DMD: variants seen among roughly 807,000 people sequenced by gnomAD.
DMD encodes the protein mutant dystrophin.
DMD carries 63 observed loss-of-function variants against 330.1 expected under a neutral mutation model. That is an observed-to-expected ratio of 0.19 (90% CI 0.16 to 0.24). DMD has a LOEUF of 0.24. DMD is among the 10% of genes least tolerant of loss of function. The probability of loss-of-function intolerance (pLI) is 1.00; values close to 1 mark genes in which losing one functional copy is unlikely to be tolerated. For synonymous variants in DMD, 1,223 were observed against 959.8 expected (o/e 1.27, Z -5.07); for missense variants, 3,344 against 2,684.1 (o/e 1.25, Z -5.43).
At chrX:31,948,914 A>G (rs2095123553) in intron 45 of DMD, among the ~76,000 whole-genome samples, 1 of 110,960 alleles carries the variant, frequency 9.0e-6, no homozygotes, top group African/African-American at 3.3e-5. Flanking sequence ...TTAGGAGTGC[A>G]GTTAGTAGAT....
rs1249352332 is a variant in DMD, at chrX:31,957,943, T to C, written c.6614+10396A>G. ...CACCTGAGGATAGTGTATTCCTTTT[T>C]TGGAGTGTTATGATTTGTGATTCTA... On this transcript the variant is annotated intron_variant, in intron 45 of 78. Coordinates refer to ENST00000357033, the MANE Select transcript of DMD (RefSeq NM_004006.3). 2.7e-5 allele frequency among the ~76,000 whole-genome samples: 3 copies of C among 111,299 alleles called. No individual in the cohort carries two copies. The East Asian group carries it at 8.5e-4, about 31-fold the overall frequency.
chrX:31,642,953 A>G (rs1373135197), intron 54 of DMD, among the ~76,000 whole-genome samples: 1 of 112,134 alleles, frequency 8.9e-6, no homozygotes, highest in African/African-American at 3.2e-5. Context: ...TGTATATCAA[A>G]TTGTTGAATT....
chrX:32,305,283 TCTTAA>T (rs2097536320), intron 42 of DMD, among the ~76,000 whole-genome samples: 1 of 111,386 alleles, frequency 9.0e-6, no homozygotes, highest in South Asian at 3.7e-4. Flanking sequence ...AGGAGAAAGA[TCTTAA>T]CCAGTGTATT....
intron 1 of DMD, among the ~76,000 whole-genome samples, chrX:33,135,466 G>C (rs1391115902): frequency 8.9e-6 from 1 of 112,197 alleles, no homozygotes; most frequent in African/African-American, 3.2e-5. Flanking sequence ...TCATGAAATA[G>C]AAATGAAAAC....
At chrX:32,149,214 C>G (rs1275025196) in intron 44 of DMD, among the ~76,000 whole-genome samples, 1 of 111,601 alleles carries the variant, frequency 9.0e-6, no homozygotes, top group Admixed American at 9.6e-5. Flanking sequence ...ACGGAGCCAG[C>G]AGTTAGAGGC....
At chrX:33,247,493 G>C (rs1334348098) in intron 1 of DMD, among the ~76,000 whole-genome samples, 2 of 111,615 alleles carry the variant, frequency 1.8e-5, no homozygotes, top group Non-Finnish European at 3.8e-5. Flanking sequence ...AGAATGAGAA[G>C]TGTATTGAAA....
chrX:31,546,129 C>T (rs2074128015), intron 55 of DMD, among the ~76,000 whole-genome samples: 1 of 112,352 alleles, frequency 8.9e-6, no homozygotes, highest in Non-Finnish European at 1.9e-5. Context: ...TTTCCCGAGT[C>T]TTCTAACGAC....
intron 5 of DMD, among the ~76,000 whole-genome samples, chrX:32,817,289 A>T (rs755126869): frequency 9.0e-6 from 1 of 110,987 alleles, no homozygotes; most frequent in South Asian, 3.7e-4. Flanking sequence ...AAAAACAACA[A>T]AGGAAGGAAA....
intron 7 of DMD, among the ~76,000 whole-genome samples, chrX:32,784,331 A>G (rs2075167892): frequency 8.9e-6 from 1 of 111,802 alleles, no homozygotes; most frequent in African/African-American, 3.2e-5. Flanking sequence ...GAGGTGATTA[A>G]TTGCACTGAG....
At chrX:32,068,937 G>A (rs16998258) in intron 44 of DMD, among the ~76,000 whole-genome samples, 35,851 of 110,356 alleles carry the variant, frequency 0.32, 5,234 homozygotes, top group African/African-American at 0.57. Flanking sequence ...TGACAACTGG[G>A]TAGAATATTT....
At chrX:31,355,861 AAAAAATAAT>A (rs1223564610) in intron 60 of DMD, among the ~76,000 whole-genome samples, 1 of 92,634 alleles carries the variant, frequency 1.1e-5, no homozygotes, top group Non-Finnish European at 2.1e-5. Flanking sequence ...GTTGTAACTG[AAAAAATAAT>A]AAAAAAAAAA....
At chrX:32,579,629 A>T (rs1203747165) in intron 13 of DMD, among the ~76,000 whole-genome samples, 1 of 112,899 alleles carries the variant, frequency 8.9e-6, no homozygotes, top group Non-Finnish European at 1.9e-5. Flanking sequence ...ACTAGATTTA[A>T]CATTTAATCT....
intron 44 of DMD, among the ~76,000 whole-genome samples, chrX:32,110,439 A>G (rs777072542): frequency 2.4e-4 from 27 of 112,164 alleles, no homozygotes; most frequent in African/African-American, 7.7e-4. Context: ...TCACTCTGTT[A>G]TCATGCAACA....
At chrX:32,357,762 A>C (rs1199921854) in intron 37 of DMD, among the ~76,000 whole-genome samples, 3 of 110,291 alleles carry the variant, frequency 2.7e-5, no homozygotes, top group Non-Finnish European at 5.7e-5. Context: ...CTGGCTGTCC[A>C]TGACCTCTTC....
At chrX:32,543,823 G>A (rs1040579614) in intron 17 of DMD, among the ~76,000 whole-genome samples, 10 of 111,433 alleles carry the variant, frequency 9.0e-5, no homozygotes. Context: ...TTCTGTGATA[G>A]GATAGGTAAT....
chrX:32,197,227 T>C (rs2097010132), intron 44 of DMD, among the ~76,000 whole-genome samples: 1 of 110,755 alleles, frequency 9.0e-6, no homozygotes, highest in Non-Finnish European at 1.9e-5. Flanking sequence ...GTACATGAGA[T>C]GTTTTGACAC....
chrX:32,817,342 T>C (rs976019026), intron 5 of DMD, among the ~76,000 whole-genome samples: 2 of 112,046 alleles, frequency 1.8e-5, no homozygotes, highest in Non-Finnish European at 3.8e-5. Context: ...TTGGTTCTAT[T>C]TTCATTACTT....
intron 60 of DMD, among the ~76,000 whole-genome samples, chrX:31,368,428 A>C (rs187250185): frequency 1.8e-5 from 2 of 111,920 alleles, no homozygotes; most frequent in African/African-American, 6.5e-5. Context: ...ATGCTTGCCC[A>C]TATCAGATGA....
chrX:32,344,222 C>A (rs956584898), intron 39 of DMD, among the ~76,000 whole-genome samples: 7 of 111,767 alleles, frequency 6.3e-5, no homozygotes, highest in African/African-American at 2.3e-4. Context: ...GGGTTTTATT[C>A]ACAGGTTTAA....
Sources: gnomAD v4.1 joint callset for allele counts (sites outside exome capture counted in the v4.1 genomes callset) on GRCh38, gnomAD v4.1.1 for gene constraint, MANE v1.5 for transcripts, NCBI Gene and HGNC (gene_info 2026-07-23, HGNC 2026-07-21) for gene names.